The following DCC variants were observed in gnomAD, a reference collection of about 807,000 sequenced individuals.
The protein encoded by DCC is DCC netrin 1 receptor, also known as netrin receptor DCC.
In DCC, 58 loss-of-function variants were observed where a neutral mutation model predicts 172.5. The ratio of observed to expected loss-of-function variants is 0.34; its 90% CI spans 0.27 to 0.42. The LOEUF (loss-of-function observed/expected upper bound fraction) is 0.42. Among genes scored for constraint, DCC ranks in the 10% least tolerant of loss-of-function variants. The pLI, the probability that DCC is intolerant of heterozygous loss-of-function variation, is 1.00. For missense variants in DCC, 1,740 were observed against 1,791.0 expected, an observed-to-expected ratio of 0.97 and a Z score of 0.51; for synonymous variants, 709 against 644.5, an observed-to-expected ratio of 1.10 and a Z score of -1.52.
Position 53,131,953 on chromosome 18 carries a change from A to ATTTTTTTTTT in DCC, c.1262-25381_1262-25372dup, listed in dbSNP as rs71175556. Among the ~76,000 whole-genome samples the ATTTTTTTTTT allele has an allele frequency of 3.6e-4, 21 of 58,278 alleles. 1 individual carries two copies. Among genetic ancestry groups the ATTTTTTTTTT allele is most frequent in the Non-Finnish European group, 5.3e-4 (17 of 32,344 alleles). The allele number at this position is 58,278 out of a possible 152,430, so 38.2% of individuals were successfully genotyped here. Reference sequence around the variant, plus strand: ...AACATGGTATCATTGTCTCTAAGTGATTTTTTTTTTTTTTTTTTTTTTTTT... The same window carrying ATTTTTTTTTT: ...AACATGGTATCATTGTCTCTAAGTGATTTTTTTTTTTTTTTTTTTTTTTTTTTTTTTTTTT... On this transcript the variant is annotated intron_variant, in intron 7 of 28. Transcript: ENST00000442544.
At chr18:53,195,410 C>T (rs1341354278) in intron 9 of DCC, among the ~76,000 whole-genome samples, 1 of 151,998 alleles carries the variant, frequency 6.6e-6, no homozygotes, top group East Asian at 1.9e-4. Flanking sequence ...CTGAGATTGG[C>T]AAAACATTAT....
chr18:53,300,989 CTTTTTTTTTCT>C (rs2057131579), intron 12 of DCC, among the ~76,000 whole-genome samples: 13 of 146,666 alleles, frequency 8.9e-5, no homozygotes, highest in Admixed American at 2.1e-4. Flanking sequence ...TTCTTTCTTT[CTTTTTTTTTCT>C]TTTCTTTCTT....
At chr18:53,028,310 A>T (rs2041983995) in intron 5 of DCC, among the ~76,000 whole-genome samples, 1 of 152,198 alleles carries the variant, frequency 6.6e-6, no homozygotes, top group East Asian at 1.9e-4. Flanking sequence ...TTTTATTAAA[A>T]TTTGTCTTGC....
At position 52,601,725 on chromosome 18, in the gene DCC, G is replaced by A. The variant is rs934826809; in HGVS notation, c.92-150329G>A. Among the ~76,000 whole-genome samples the A allele has an allele frequency of 3.9e-5, 6 of 151,970 alleles. No homozygotes were observed. In the East Asian group the frequency reaches 5.8e-4, roughly 15 times the overall value. On this transcript the variant is annotated intron_variant, in intron 1 of 28. Coordinates refer to ENST00000442544, the MANE Select transcript of DCC (RefSeq NM_005215.4). ...TTAAAACTTGTAGAATTATCATGATGTAAATACTAGTGTTCTTAGATCTTT... is the reference window on the plus strand; with the variant it reads ...TTAAAACTTGTAGAATTATCATGATATAAATACTAGTGTTCTTAGATCTTT...
At chr18:53,183,463 G>A (rs930266098) in intron 9 of DCC, among the ~76,000 whole-genome samples, 1 of 152,064 alleles carries the variant, frequency 6.6e-6, no homozygotes, top group Non-Finnish European at 1.5e-5. Flanking sequence ...CATACCACAT[G>A]TGGAGATTTT....
At chr18:52,715,267 T>TAA (rs199776967) in intron 1 of DCC, among the ~76,000 whole-genome samples, 12 of 143,378 alleles carry the variant, frequency 8.4e-5, no homozygotes, top group South Asian at 4.4e-4. Context: ...GCATAAAAAA[T>TAA]AAAAAAAAAC....
intron 1 of DCC, among the ~76,000 whole-genome samples, chr18:52,569,317 C>T (rs1319635813): frequency 1.3e-5 from 2 of 152,184 alleles, no homozygotes; most frequent in Non-Finnish European, 1.5e-5. Context: ...TTGCATGCTC[C>T]TCCATTTCTT....
chr18:52,952,688 T>A (rs1040329027), intron 5 of DCC, among the ~76,000 whole-genome samples: 3 of 152,176 alleles, frequency 2.0e-5, no homozygotes, highest in Admixed American at 2.0e-4. Flanking sequence ...ATCATTTAAA[T>A]GATTTCTCAC....
intron 14 of DCC, among the ~76,000 whole-genome samples, chr18:53,325,630 T>C (rs1036906359): frequency 1.3e-5 from 2 of 152,240 alleles, no homozygotes; most frequent in Admixed American, 1.3e-4. Flanking sequence ...AGAATCTCTA[T>C]GCCATGCTCA....
chr18:52,737,553 C>T (rs1175231534), intron 1 of DCC, among the ~76,000 whole-genome samples: 1 of 152,070 alleles, frequency 6.6e-6, no homozygotes, highest in East Asian at 1.9e-4. Flanking sequence ...TTTTATGTTT[C>T]ATAGGTAATT....
intron 5 of DCC, among the ~76,000 whole-genome samples, chr18:53,046,197 G>C (rs2042235395): frequency 6.6e-6 from 1 of 151,844 alleles, no homozygotes; most frequent in African/African-American, 2.4e-5. Context: ...ATCATAGTAA[G>C]TGTTGATTTG....
chr18:53,327,853 G>A (rs1486130995), intron 14 of DCC, among the ~76,000 whole-genome samples: 1 of 152,128 alleles, frequency 6.6e-6, no homozygotes, highest in Non-Finnish European at 1.5e-5. Context: ...TTTCTTTCTT[G>A]TACTTTTGAT....
chr18:52,859,207 C>T (rs1396021432), intron 2 of DCC, among the ~76,000 whole-genome samples: 2 of 151,938 alleles, frequency 1.3e-5, no homozygotes, highest in Non-Finnish European at 2.9e-5. Flanking sequence ...GATCACAAAA[C>T]TAGTTGTTAT....
Position 53,339,841 on chromosome 18 carries a change from G to A in DCC, c.2293G>A (p.Gly765Arg), listed in dbSNP as rs1422720043. 1 of 1,613,950 alleles carries A rather than the reference G, an allele frequency of 6.2e-7. No individual in the cohort carries two copies. The highest frequency in any genetic ancestry group is 1.1e-5 in the South Asian group (1 of 91,076). The part of the protein sequence containing the change: ...VRGYIIGYGV[G>R]SPYAETVRVD... Reference sequence around the variant, plus strand: ...AGGTTATATTATCGGTTATGGCGTTGGGAGCCCTTACGCTGAGACAGTGCG... The same window carrying A: ...AGGTTATATTATCGGTTATGGCGTTAGGAGCCCTTACGCTGAGACAGTGCG... Residue 765 changes from glycine (G) to arginine (R), a missense_variant, in exon 15 of 29, where the codon GGG (glycine) becomes AGG (arginine). Coordinates refer to ENST00000442544, the MANE Select transcript of DCC (RefSeq NM_005215.4).
intron 1 of DCC, among the ~76,000 whole-genome samples, chr18:52,415,612 G>A (rs954651021): frequency 6.6e-6 from 1 of 152,118 alleles, no homozygotes; most frequent in Admixed American, 6.6e-5. Context: ...GAGCACAGAG[G>A]GAGAGAATTG....
chr18:52,974,099 T>A (rs1488314867), intron 5 of DCC, among the ~76,000 whole-genome samples: 1 of 152,296 alleles, frequency 6.6e-6, no homozygotes, highest in Non-Finnish European at 1.5e-5. Context: ...AAGAATATAT[T>A]ATACATGTAT....
intron 2 of DCC, among the ~76,000 whole-genome samples, chr18:52,869,236 G>T (rs1005164326): frequency 6.6e-6 from 1 of 152,238 alleles, no homozygotes; most frequent in African/African-American, 2.4e-5. Flanking sequence ...GGGTGAGCAA[G>T]ATGAAAAGGA....
At chr18:53,354,618 T>C (rs1197228598) in intron 15 of DCC, among the ~76,000 whole-genome samples, 1 of 152,164 alleles carries the variant, frequency 6.6e-6, no homozygotes, top group Non-Finnish European at 1.5e-5. Flanking sequence ...TTCTTTGTTT[T>C]TTTCTTGTAA....
At chr18:52,504,090 T>G (rs1429386965) in intron 1 of DCC, among the ~76,000 whole-genome samples, 2 of 152,164 alleles carry the variant, frequency 1.3e-5, no homozygotes, top group Non-Finnish European at 1.5e-5. Flanking sequence ...AGGATCTCAC[T>G]GACCCTTCTT....
Sources: allele counts gnomAD v4.1 joint callset (sites outside exome capture counted in the v4.1 genomes callset), GRCh38; gene constraint gnomAD v4.1.1; transcripts MANE v1.5; gene names NCBI Gene and HGNC (gene_info 2026-07-23, HGNC 2026-07-21).